Variants in ROBO2 observed in about 807,000 individuals in gnomAD.
ROBO2 encodes roundabout homolog 2.
Under a neutral mutation model 160.8 loss-of-function variants are expected in ROBO2, and 53 were observed. The observed-to-expected ratio is 0.33, with a 90% confidence interval of 0.26 to 0.41. The LOEUF (loss-of-function observed/expected upper bound fraction) is 0.41. Ranked by LOEUF, ROBO2 falls within the 10% of genes least tolerant of loss-of-function variation. The pLI is 1.00. For synonymous variants in ROBO2, 664 were observed against 611.7 expected (o/e 1.09, Z -1.26); for missense variants, 1,577 against 1,722.4 (o/e 0.92, Z 1.49).
chr3:77,213,053 T>A (rs1482615254), intron 2 of ROBO2, among the ~76,000 whole-genome samples: 2 of 152,174 alleles, frequency 1.3e-5, no homozygotes, highest in African/African-American at 4.8e-5. Context: ...TTGTTGTGTC[T>A]CTGCCGGGCT....
intron 2 of ROBO2, among the ~76,000 whole-genome samples, chr3:76,615,287 A>G (rs1258263110): frequency 6.6e-6 from 1 of 152,066 alleles, no homozygotes; most frequent in Non-Finnish European, 1.5e-5. Context: ...TTTAACCCAC[A>G]AGCAATTATA....
chr3:77,050,632 A>G (rs1392277626), intron 1 of ROBO2, among the ~76,000 whole-genome samples: 1 of 150,970 alleles, frequency 6.6e-6, no homozygotes, highest in East Asian at 1.9e-4. Context: ...AAGAGTTACA[A>G]CATTTAATGT....
intron 2 of ROBO2, among the ~76,000 whole-genome samples, chr3:76,024,841 T>C (rs1049188093): frequency 3.0e-4 from 46 of 151,528 alleles, no homozygotes; most frequent in Non-Finnish European, 1.5e-5. Context: ...TATGACCACT[T>C]GATGGAACTC....
intron 2 of ROBO2, among the ~76,000 whole-genome samples, chr3:76,243,214 T>C (rs1705406824): frequency 6.6e-6 from 1 of 151,944 alleles, no homozygotes; most frequent in African/African-American, 2.4e-5. Flanking sequence ...GCCCATTACA[T>C]GTCACTTCTG....
At chr3:76,458,689 G>A (rs993175450) in intron 2 of ROBO2, among the ~76,000 whole-genome samples, 4 of 152,188 alleles carry the variant, frequency 2.6e-5, no homozygotes, top group Admixed American at 6.5e-5. Flanking sequence ...GGTTTAATTC[G>A]ACTTACAGTT....
At chr3:76,487,480 A>G (rs910655658) in intron 2 of ROBO2, among the ~76,000 whole-genome samples, 1 of 152,212 alleles carries the variant, frequency 6.6e-6, no homozygotes, top group Non-Finnish European at 1.5e-5. Flanking sequence ...CAATAAATGA[A>G]TCTTCTAATA....
At chr3:76,304,743 T>TTTCCTTCC (rs1491482504) in intron 2 of ROBO2, among the ~76,000 whole-genome samples, 24 of 117,792 alleles carry the variant, frequency 2.0e-4, no homozygotes, top group East Asian at 1.4e-3. Flanking sequence ...TTTTCTTTTC[T>TTTCCTTCC]TTCCTTCTTT....
intron 2 of ROBO2, among the ~76,000 whole-genome samples, chr3:77,391,261 G>T (rs1581587652): frequency 6.6e-6 from 1 of 152,028 alleles, no homozygotes; most frequent in Non-Finnish European, 1.5e-5. Context: ...AGAAACCTTT[G>T]AAATTTGCAT....
chr3:76,562,657 T>C (rs967484930), intron 2 of ROBO2, among the ~76,000 whole-genome samples: 2 of 152,232 alleles, frequency 1.3e-5, no homozygotes, highest in Non-Finnish European at 2.9e-5. Context: ...TTCTTTTGTC[T>C]TGCAGACTAT....
chr3:76,921,079 T>TC (rs1441055677), intron 2 of ROBO2, among the ~76,000 whole-genome samples: 20 of 152,088 alleles, frequency 1.3e-4, no homozygotes, highest in African/African-American at 4.8e-4. Context: ...TTTTAGTGAG[T>TC]CCTTTCAAGC....
chr3:76,434,228 C>T (rs1477386710), intron 2 of ROBO2: 6 of 1,043,336 alleles, frequency 5.8e-6, no homozygotes, highest in South Asian at 1.3e-5. Context: ...AGATGGTCCA[C>T]ACAGGTTTGA....
chr3:76,668,724 G>A (rs1440181660), intron 2 of ROBO2, among the ~76,000 whole-genome samples: 1 of 143,766 alleles, frequency 7.0e-6, no homozygotes, highest in Non-Finnish European at 1.5e-5. Context: ...ATTCAGACTA[G>A]GTTGGAGCTT....
chr3:76,346,856 C>T (rs2074563338), intron 2 of ROBO2, among the ~76,000 whole-genome samples: 1 of 152,112 alleles, frequency 6.6e-6, no homozygotes, highest in Non-Finnish European at 1.5e-5. Context: ...ACTCTGTATG[C>T]TCCCTGTGTG....
intron 2 of ROBO2, among the ~76,000 whole-genome samples, chr3:76,466,029 G>GTGTGTA (rs60989605): frequency 1.4e-5 from 2 of 146,208 alleles, no homozygotes; most frequent in Non-Finnish European, 3.0e-5. Context: ...GTGTGTGTGT[G>GTGTGTA]TATGTAAAAT....
intron 2 of ROBO2, among the ~76,000 whole-genome samples, chr3:76,393,954 A>G (rs2108670913): frequency 6.6e-6 from 1 of 152,252 alleles, no homozygotes; most frequent in South Asian, 2.1e-4. Flanking sequence ...AAAGAAAAAT[A>G]AAAAATTCGT....
chr3:77,540,035 A>C (rs1481457651), intron 6 of ROBO2, among the ~76,000 whole-genome samples: 4 of 152,200 alleles, frequency 2.6e-5, no homozygotes, highest in African/African-American at 9.6e-5. Context: ...AGCTGATGGA[A>C]GCCAGAATGC....
At chr3:77,207,030 T>C (rs2083530453) in intron 2 of ROBO2, among the ~76,000 whole-genome samples, 1 of 152,198 alleles carries the variant, frequency 6.6e-6, no homozygotes. Flanking sequence ...CATAAACATT[T>C]TGTACCTATA....
rs1170544318 is a variant in ROBO2, at chr3:77,472,280, G to A, written c.389-5134G>A. Among the ~76,000 whole-genome samples, 5 of 152,198 alleles carry A rather than the reference G, an allele frequency of 3.3e-5. No individual in the cohort carries two copies. In the East Asian group the frequency reaches 7.7e-4, roughly 23 times the overall value. On this transcript the variant is annotated intron_variant, in intron 2 of 25. Coordinates refer to ENST00000461745, the Ensembl canonical transcript of ROBO2. ...AAGGGAATAAATAACAGAAGGGAGTGACCATTGGAGAACAGAACAAGGGTC... is the reference window on the plus strand; with the variant it reads ...AAGGGAATAAATAACAGAAGGGAGTAACCATTGGAGAACAGAACAAGGGTC...
At chr3:76,814,834 T>G (rs546067355) in intron 2 of ROBO2, among the ~76,000 whole-genome samples, 8 of 151,976 alleles carry the variant, frequency 5.3e-5, no homozygotes, top group African/African-American at 1.9e-4. Context: ...TGGAAAAAAA[T>G]ATAAGTAACT....
Sources: gnomAD v4.1 joint callset for allele counts (sites outside exome capture counted in the v4.1 genomes callset) on GRCh38, gnomAD v4.1.1 for gene constraint, MANE v1.5 for transcripts, NCBI Gene and HGNC (gene_info 2026-07-23, HGNC 2026-07-21) for gene names.